TMC7: variants seen among roughly 807,000 people sequenced by gnomAD.
The protein encoded by TMC7 is transmembrane channel like 7, also known as transmembrane channel-like protein 7.
TMC7 carries 54 observed loss-of-function variants against 82.9 expected under a neutral mutation model. That is an observed-to-expected ratio of 0.65 (90% CI 0.52 to 0.82). The LOEUF is 0.82. Among genes scored for constraint, TMC7 ranks in the 40% least tolerant of loss-of-function variants. TMC7 has a pLI of 0.00. For missense variants in TMC7, 820 were observed against 901.2 expected, an observed-to-expected ratio of 0.91 and a Z score of 1.15; for synonymous variants, 350 against 337.9, an observed-to-expected ratio of 1.04 and a Z score of -0.39.
At position 19,047,135 on chromosome 16, in the gene TMC7, T is replaced by A. The variant is rs1404934251; in HGVS notation, c.1626T>A (p.Asp542Glu). Residue 542 changes from aspartate (D) to glutamate (E), a missense_variant, in exon 12 of 16, where the codon GAT (aspartate) becomes GAA (glutamate). Asp to Glu is a conservative substitution (Grantham distance 45, BLOSUM62 2). Transcript: ENST00000304381. ...GGCAGCAGGAGTTTGCCATTCCTGA[T>A]AACGTCCTGGGGATAGTTTACGGGC... ...CWGQQEFAIPDNVLGIVYGQT... is the reference protein window; with the variant it reads ...CWGQQEFAIPENVLGIVYGQT... 1 of 1,614,118 alleles carries A rather than the reference T, an allele frequency of 6.2e-7. No homozygotes were observed. Among genetic ancestry groups the A allele is most frequent in the East Asian group, 2.2e-5 (1 of 44,866 alleles).
intron 8 of TMC7, among the ~76,000 whole-genome samples, chr16:19,039,018 CAG>C (rs1960885269): frequency 6.6e-6 from 1 of 151,952 alleles, no homozygotes. Context: ...AATCAATCAT[CAG>C]GGGTCCAGGT....
At chr16:19,043,669 C>G (rs890282461) in intron 9 of TMC7, among the ~76,000 whole-genome samples, 3 of 152,158 alleles carry the variant, frequency 2.0e-5, no homozygotes, top group Non-Finnish European at 4.4e-5. Flanking sequence ...CTCCCAGGTT[C>G]AAGAGATTCT....
At chr16:19,045,150 G>A (rs898784125) in intron 10 of TMC7, 149 bp downstream of exon 10, 26 of 854,302 alleles carry the variant, frequency 3.0e-5, no homozygotes, top group Middle Eastern at 3.5e-4. Flanking sequence ...GCCCCATGGA[G>A]TCTAACCCCA....
At chr16:18,987,037 C>T (rs1316218414) in intron 1 of TMC7, among the ~76,000 whole-genome samples, 1 of 152,124 alleles carries the variant, frequency 6.6e-6, no homozygotes, top group African/African-American at 2.4e-5. Flanking sequence ...GATCTCCTGA[C>T]CTCGTGATCC....
chr16:19,009,508 T>A, intron 2 of TMC7, 93 bp downstream of exon 2: 10 of 1,467,150 alleles, frequency 6.8e-6, no homozygotes, highest in Non-Finnish European at 9.1e-6. Context: ...AGAGCTCATA[T>A]AATTAAAATT....
At chr16:19,042,997 C>T (rs373016105) in intron 9 of TMC7, among the ~76,000 whole-genome samples, 1 of 152,076 alleles carries the variant, frequency 6.6e-6, no homozygotes, top group East Asian at 1.9e-4. Flanking sequence ...CCGCCCACCT[C>T]GGCCTCCCAA....
chr16:19,016,377 A>G (rs1959692652), intron 2 of TMC7, 73 bp from the exon 3 acceptor site: 2 of 1,582,674 alleles, frequency 1.3e-6, no homozygotes, highest in Admixed American at 1.7e-5. Context: ...GGCGTGAGCT[A>G]CTGTGCCAGG....
chr16:19,025,476 A>G (rs1052832825), intron 5 of TMC7, among the ~76,000 whole-genome samples: 1 of 151,048 alleles, frequency 6.6e-6, no homozygotes. Context: ...AAAATTATCC[A>G]GGCATGGTGG....
At chr16:19,060,063 A>T (rs1961938465) in intron 15 of TMC7, 1 of 176,634 alleles carries the variant, frequency 5.7e-6, no homozygotes, top group Admixed American at 5.5e-5. Flanking sequence ...GGTGAACAAG[A>T]GACAAAGCTG....
intron 1 of TMC7, among the ~76,000 whole-genome samples, chr16:18,993,868 G>C (rs112308553): frequency 3.9e-5 from 6 of 152,152 alleles, no homozygotes; most frequent in African/African-American, 4.8e-5. Flanking sequence ...AGTAGTGGAG[G>C]GGGGCAGAGT....
chr16:19,056,482 G>A (rs938768547), intron 13 of TMC7, 60 bp from the exon 14 acceptor site: 4 of 1,563,122 alleles, frequency 2.6e-6, no homozygotes, highest in Non-Finnish European at 3.5e-6. Context: ...GTGTACAGGG[G>A]CGGGACACTC....
chr16:19,062,883 C>T lies in TMC7; in HGVS notation c.*1040C>T, dbSNP rs193282040. On this transcript the variant is annotated 3_prime_UTR_variant, in exon 16 of 16. Transcript: ENST00000304381. ...TTCCGTTCACTGGCTCCACACGTTT[C>T]CTGGGGAGTAGCCTGGAATTTAAAG... 6.6e-6 allele frequency: 1 copy of T among 152,540 alleles called. No individual in the cohort carries two copies. Among genetic ancestry groups the T allele is most frequent in the East Asian group, 1.9e-4 (1 of 5,178 alleles). 9.4% of individuals were successfully genotyped at this position (152,540 alleles called of 1,614,324 possible). A position where few individuals can be genotyped will look rare whatever the true frequency, so the allele number is the denominator to read the frequency against.
intron 2 of TMC7, among the ~76,000 whole-genome samples, chr16:19,013,239 A>G (rs929553684): frequency 6.6e-6 from 1 of 151,798 alleles, no homozygotes; most frequent in Non-Finnish European, 1.5e-5. Context: ...TTATTTTTAG[A>G]CGGAGTTTCG....
intron 4 of TMC7, 82 bp from the exon 5 acceptor site, chr16:19,023,031 A>G (rs1022613698): frequency 4.8e-6 from 4 of 832,692 alleles, no homozygotes; most frequent in Non-Finnish European, 7.7e-6. Context: ...GAACAAACAA[A>G]CAAACAAACA....
intron 8 of TMC7, among the ~76,000 whole-genome samples, chr16:19,038,511 G>A (rs562841839): frequency 7.2e-4 from 108 of 150,832 alleles, no homozygotes; most frequent in African/African-American, 2.1e-3. Context: ...TCACTTTTAA[G>A]AGAACTTTTT....
At chr16:19,039,637 G>A (rs1292560835) in intron 8 of TMC7, among the ~76,000 whole-genome samples, 1 of 152,156 alleles carries the variant, frequency 6.6e-6, no homozygotes, top group African/African-American at 2.4e-5. Flanking sequence ...CAGGTAGTCT[G>A]TTACTGTGAA....
chr16:19,013,552 C>G (rs985517045), intron 2 of TMC7, among the ~76,000 whole-genome samples: 1 of 151,558 alleles, frequency 6.6e-6, no homozygotes, highest in Non-Finnish European at 1.5e-5. Flanking sequence ...GAATCTCACT[C>G]TGTCACCCAG....
At chr16:19,007,138 G>GA (rs372711250) in intron 1 of TMC7, among the ~76,000 whole-genome samples, 5 of 152,026 alleles carry the variant, frequency 3.3e-5, no homozygotes, top group African/African-American at 1.2e-4. Flanking sequence ...CCAGGGGTTT[G>GA]AAGACACGAG....
chr16:18,995,320 C>T (rs890034035), intron 1 of TMC7, among the ~76,000 whole-genome samples: 15 of 152,254 alleles, frequency 9.9e-5, no homozygotes, highest in Middle Eastern at 3.4e-3. Flanking sequence ...GACTTACCCT[C>T]CACTGTAAGA....
Sources: gnomAD v4.1 joint callset for allele counts (sites outside exome capture counted in the v4.1 genomes callset) on GRCh38, gnomAD v4.1.1 for gene constraint, MANE v1.5 for transcripts, NCBI Gene and HGNC (gene_info 2026-07-23, HGNC 2026-07-21) for gene names.